Variants in MED13L observed in about 807,000 individuals in gnomAD.
MED13L encodes mediator of RNA polymerase II transcription subunit 13-like.
In MED13L, 7 loss-of-function variants were observed where a neutral mutation model predicts 220.9. The ratio of observed to expected loss-of-function variants is 0.03; its 90% CI spans 0.02 to 0.06. The LOEUF (loss-of-function observed/expected upper bound fraction) is 0.06, where lower values mean the gene tolerates loss of function less well. Among genes scored for constraint, MED13L ranks in the 10% least tolerant of loss-of-function variants. MED13L has a pLI of 1.00. For synonymous variants in MED13L, 1,011 were observed against 1,015.2 expected, an observed-to-expected ratio of 1.00 and a Z score of 0.08; for missense variants, 1,965 against 2,760.5, an observed-to-expected ratio of 0.71 and a Z score of 6.46.
chr12:116,208,212 C>T (rs553536955), intron 2 of MED13L, among the ~76,000 whole-genome samples: 30 of 152,096 alleles, frequency 2.0e-4, no homozygotes, highest in African/African-American at 5.8e-4. Context: ...CTGGCTAACA[C>T]GGTGAAACCC....
intron 16 of MED13L, among the ~76,000 whole-genome samples, chr12:115,993,032 C>T (rs1431235845): frequency 6.6e-6 from 1 of 151,182 alleles, no homozygotes; most frequent in Non-Finnish European, 1.5e-5. Context: ...AAACACAAAT[C>T]AAAACAGTAA....
At chr12:116,166,266 T>C (rs1246712127) in intron 2 of MED13L, among the ~76,000 whole-genome samples, 2 of 152,086 alleles carry the variant, frequency 1.3e-5, no homozygotes, top group East Asian at 3.9e-4. Context: ...GGTGTGTCTG[T>C]GTGGGTGTTG....
At chr12:116,125,451 G>A (rs1479378685) in intron 2 of MED13L, among the ~76,000 whole-genome samples, 1 of 152,214 alleles carries the variant, frequency 6.6e-6, no homozygotes, top group Non-Finnish European at 1.5e-5. Context: ...TAGAAAATGT[G>A]TAGCCTAACT....
intron 2 of MED13L, among the ~76,000 whole-genome samples, chr12:116,207,158 T>G (rs986448294): frequency 6.8e-6 from 1 of 146,564 alleles, no homozygotes; most frequent in Non-Finnish European, 1.5e-5. Context: ...TACTGCACCT[T>G]TTTTTTTTTT....
intron 4 of MED13L, among the ~76,000 whole-genome samples, chr12:116,069,340 T>C (rs1054969354): frequency 6.6e-6 from 1 of 152,216 alleles, no homozygotes; most frequent in Non-Finnish European, 1.5e-5. Flanking sequence ...TAACAATGGG[T>C]AGGTAAGTAT....
intron 2 of MED13L, among the ~76,000 whole-genome samples, chr12:116,121,696 G>T (rs369415733): frequency 1.3e-5 from 2 of 152,124 alleles, no homozygotes; most frequent in Admixed American, 1.3e-4. Context: ...TCCTTTTAAT[G>T]TATCATATTG....
rs565288815 is a variant in MED13L at position 116,241,909 on chromosome 12, C to T, written c.73-4204G>A. On this transcript the variant is annotated intron_variant, in intron 1 of 30. Transcript: ENST00000281928. ...AGTTAATGTTTGGTAAGAGAAAAGA[C>T]AGCTTAATGATACTGAAATAGTTTG... Among the ~76,000 whole-genome samples the T allele has an allele frequency of 1.7e-4, 26 of 152,178 alleles. No homozygotes were observed. The Middle Eastern group carries it at 0.01, about 60-fold the overall frequency.
intron 4 of MED13L, among the ~76,000 whole-genome samples, chr12:116,088,407 A>T (rs1049580263): frequency 3.3e-5 from 5 of 152,168 alleles, no homozygotes; most frequent in African/African-American, 4.8e-5. Flanking sequence ...CGGAAGGCTA[A>T]AACAGTGGTT....
At chr12:116,261,395 G>T (rs1872507654) in intron 1 of MED13L, among the ~76,000 whole-genome samples, 2 of 151,902 alleles carry the variant, frequency 1.3e-5, no homozygotes, top group South Asian at 4.2e-4. Context: ...TACTCAGGAG[G>T]CTGAGGTGGA....
intron 1 of MED13L, among the ~76,000 whole-genome samples, chr12:116,248,664 T>C (rs1871269318): frequency 6.6e-6 from 1 of 152,250 alleles, no homozygotes; most frequent in South Asian, 2.1e-4. Flanking sequence ...AACTGTCCCA[T>C]TTATTTGCAT....
At chr12:116,077,390 T>C (rs1870885791) in intron 4 of MED13L, among the ~76,000 whole-genome samples, 2 of 152,182 alleles carry the variant, frequency 1.3e-5, no homozygotes, top group Non-Finnish European at 2.9e-5. Context: ...AGAATATAGA[T>C]AACAAAACAA....
At chr12:115,994,971 G>A (rs560736161) in intron 16 of MED13L, among the ~76,000 whole-genome samples, 7 of 152,322 alleles carry the variant, frequency 4.6e-5, no homozygotes, top group South Asian at 4.1e-4. Flanking sequence ...GAAGACCCAC[G>A]TAAAATGGTC....
chr12:116,112,906 T>TA (rs2137906539), intron 2 of MED13L, among the ~76,000 whole-genome samples: 1 of 152,268 alleles, frequency 6.6e-6, no homozygotes, highest in South Asian at 2.1e-4. Context: ...TCACTGACCC[T>TA]AAGGCACCAT....
chr12:115,976,146 G>C (rs1876921967), intron 23 of MED13L, among the ~76,000 whole-genome samples: 1 of 152,106 alleles, frequency 6.6e-6, no homozygotes, highest in African/African-American at 2.4e-5. Context: ...TGCTTAAGCT[G>C]AACAAACATA....
chr12:116,180,320 C>T (rs1286858020), intron 2 of MED13L, among the ~76,000 whole-genome samples: 2 of 152,128 alleles, frequency 1.3e-5, no homozygotes, highest in Non-Finnish European at 1.5e-5. Context: ...AACATGATAC[C>T]ACAAGCGAAA....
intron 1 of MED13L, among the ~76,000 whole-genome samples, chr12:116,258,737 C>T (rs899457479): frequency 6.7e-6 from 1 of 148,260 alleles, no homozygotes; most frequent in South Asian, 2.1e-4. Context: ...GATTACACCA[C>T]TGCACTCCGG....
chr12:116,250,609 CAAA>C (rs560814737), intron 1 of MED13L, among the ~76,000 whole-genome samples: 3 of 70,264 alleles, frequency 4.3e-5, no homozygotes, highest in Non-Finnish European at 8.8e-5. Context: ...ACTAAAAATA[CAAA>C]AAAAAAAAAA....
intron 9 of MED13L, among the ~76,000 whole-genome samples, chr12:116,010,367 A>T (rs1879318478): frequency 6.6e-6 from 1 of 152,166 alleles, no homozygotes; most frequent in East Asian, 1.9e-4. Flanking sequence ...TAAAATTTAA[A>T]AGTCTTTTAG....
chr12:115,996,339 G>A (rs1453963306), intron 16 of MED13L, 137 bp downstream of exon 16: 5 of 935,934 alleles, frequency 5.3e-6, no homozygotes, highest in African/African-American at 1.6e-5. Context: ...TGATCTGCCC[G>A]CCTCCACCTC....
Sources: allele counts gnomAD v4.1 joint callset (sites outside exome capture counted in the v4.1 genomes callset), GRCh38; gene constraint gnomAD v4.1.1; transcripts MANE v1.5; gene names NCBI Gene and HGNC (gene_info 2026-07-23, HGNC 2026-07-21).